IQCE: variants seen among roughly 807,000 people sequenced by gnomAD.
IQCE encodes IQ motif containing E, also known as IQ domain-containing protein E.
In IQCE, 115 loss-of-function variants were observed where a neutral mutation model predicts 96.0. The ratio of observed to expected loss-of-function variants is 1.20; its 90% CI spans 1.03 to 1.40. The LOEUF (loss-of-function observed/expected upper bound fraction) is 1.40, where lower values mean the gene tolerates loss of function less well. Among genes scored for constraint, IQCE ranks in the 40% most tolerant of loss-of-function variants. The pLI, the probability that IQCE is intolerant of heterozygous loss-of-function variation, is 0.00. For missense variants in IQCE, 1,041 were observed against 909.1 expected, an observed-to-expected ratio of 1.15 and a Z score of -1.87; for synonymous variants, 412 against 371.2, an observed-to-expected ratio of 1.11 and a Z score of -1.26.
At chr7:2,610,013 T>A in intron 21 of IQCE, 31 bp from the exon 22 acceptor site, 1 of 1,274,306 alleles carries the variant, frequency 7.8e-7, no homozygotes, top group Non-Finnish European at 1.1e-6. Flanking sequence ...TCAGCGTGGC[T>A]GACCCCTCTC....
Position 2,593,021 on chromosome 7 carries a change from G to A in IQCE, c.1245-1G>A. ...GACGAGTCTCCTATTCTTGTGTGCA[G>A]TTTGGAGGTGAAGCAGCTCCTGCAG... On this transcript the variant is annotated splice_acceptor_variant, in intron 14 of 21. Transcript: ENST00000402050. LOFTEE classifies it high-confidence loss of function. The A allele has an allele frequency of 6.2e-7, 1 of 1,603,822 alleles. No individual in the cohort carries two copies. Among genetic ancestry groups the A allele is most frequent in the Non-Finnish European group, 8.5e-7 (1 of 1,172,284 alleles).
At chr7:2,586,143 C>T (rs951414144) in intron 11 of IQCE, 65 bp from the exon 12 acceptor site, 13 of 1,455,080 alleles carry the variant, frequency 8.9e-6, no homozygotes, top group Middle Eastern at 1.8e-4. Context: ...ACCTGTCCCT[C>T]GTTTCAAGCA....
chr7:2,588,755 T>G (rs375436658), intron 13 of IQCE, among the ~76,000 whole-genome samples: 4 of 137,768 alleles, frequency 2.9e-5, no homozygotes, highest in Non-Finnish European at 3.1e-5. Flanking sequence ...ACTTTTTGCC[T>G]CCTGGGTTCA....
chr7:2,559,024 G>T lies in IQCE; in HGVS notation c.-158G>T, dbSNP rs117666779. 2.8e-4 allele frequency: 103 copies of T among 363,870 alleles called. No individual in the cohort carries two copies. Among genetic ancestry groups the T allele is most frequent in the Non-Finnish European group, 3.7e-4 (79 of 212,078 alleles). 22.5% of individuals were successfully genotyped at this position (363,870 alleles called of 1,614,324 possible). A position where few individuals can be genotyped will look rare whatever the true frequency, so the allele number is the denominator to read the frequency against. ...CAGGGGGAACGCAGGTCGCTTACCC[G>T]GCTGGGTAGGTCGGCGGCCTGGTTG... On this transcript the variant is annotated 5_prime_UTR_variant, in exon 1 of 22. Coordinates refer to ENST00000402050, the MANE Select transcript of IQCE (RefSeq NM_152558.5).
intron 8 of IQCE, among the ~76,000 whole-genome samples, chr7:2,581,779 G>A (rs900957370): frequency 2.7e-5 from 4 of 149,066 alleles, no homozygotes; most frequent in South Asian, 2.1e-4. Context: ...GCGCAATCTC[G>A]GCTCACTGCA....
At chr7:2,597,894 C>T (rs925212877) in intron 16 of IQCE, among the ~76,000 whole-genome samples, 6 of 152,258 alleles carry the variant, frequency 3.9e-5, no homozygotes, top group Non-Finnish European at 8.8e-5. Context: ...TCTTGAACTC[C>T]TGGGCTCAAG....
Position 2,586,354 on chromosome 7 carries a change from C to G in IQCE, c.971C>G (p.Thr324Ser). 6.2e-7 allele frequency: 1 copy of G among 1,612,882 alleles called. No homozygotes were observed. Among genetic ancestry groups the G allele is most frequent in the Non-Finnish European group, 8.5e-7 (1 of 1,179,734 alleles). The change falls in exon 12 of 22, where the codon ACC (threonine) becomes AGC (serine). Residue 324 changes from threonine to serine, a missense_variant. Thr to Ser is a moderately conservative substitution (Grantham distance 58). Coordinates refer to ENST00000402050, the MANE Select transcript of IQCE (RefSeq NM_152558.5). ...DLDRVLSTSP[T>S]ISKTQGYVEW... The stretch of plus-strand genomic sequence containing the variant: ...GACCGCGTGCTGAGCACCTCCCCAA[C>G]CATCTCCAAGACACAGGGTACCTTC...
intron 6 of IQCE, among the ~76,000 whole-genome samples, chr7:2,576,098 G>C (rs1056506035): frequency 6.6e-6 from 1 of 152,178 alleles, no homozygotes; most frequent in African/African-American, 2.4e-5. Context: ...TGTCTGCAAC[G>C]ATCTTGCCAG....
intron 19 of IQCE, among the ~76,000 whole-genome samples, 162 bp downstream of exon 19, chr7:2,605,153 TCTCTGCGCAGGCCC>T (rs1173552404): frequency 6.6e-6 from 1 of 152,124 alleles, no homozygotes; most frequent in Non-Finnish European, 1.5e-5. Flanking sequence ...CATGCAGGCT[TCTCTGCGCAGGCCC>T]CTCTGCACAG....
At position 2,610,648 on chromosome 7, in the gene IQCE, C is replaced by T. The variant is rs200867613; in HGVS notation, c.*486C>T. ...GCTGTGCCTTAGGAAGGTGTGAGAC[C>T]GGCTTCCCCCATCCCCACAGCAAAA... On this transcript the variant is annotated 3_prime_UTR_variant, in exon 22 of 22. Transcript: ENST00000402050. 86 of 160,600 alleles carry T rather than the reference C, an allele frequency of 5.4e-4. No individual in the cohort carries two copies. Among genetic ancestry groups the T allele is most frequent in the Non-Finnish European group, 9.9e-4 (72 of 73,048 alleles). 9.9% of individuals were successfully genotyped at this position (160,600 alleles called of 1,614,324 possible).
At chr7:2,571,789 A>C (rs1438779222) in intron 4 of IQCE, 135 bp downstream of exon 4, 3 of 1,005,792 alleles carry the variant, frequency 3.0e-6, no homozygotes, top group Non-Finnish European at 4.3e-6. Context: ...AAGACATCAA[A>C]TATACACATC....
At position 2,601,480 on chromosome 7, in the gene IQCE, T is replaced by G; in HGVS notation, c.1632+16T>G. 1 of 1,574,886 alleles carries G rather than the reference T, an allele frequency of 6.3e-7. No individual in the cohort carries two copies. The highest frequency in any genetic ancestry group is 8.7e-7 in the Non-Finnish European group (1 of 1,145,956). On this transcript the variant is annotated intron_variant, in intron 18 of 21. Coordinates refer to ENST00000402050, the MANE Select transcript of IQCE (RefSeq NM_152558.5). ...TCTGGATGAGGTAAGCGAGGTTTAT[T>G]TCTTGTTTCAAAATTCGGATTTGTA...
In IQCE at chr7:2,604,932, C is replaced by T. The variant is rs1210727771; in HGVS notation, c.1684C>T (p.Leu562Phe). The T allele has an allele frequency of 1.2e-6, 2 of 1,613,786 alleles. No homozygotes were observed. Among genetic ancestry groups the T allele is most frequent in the South Asian group, 1.1e-5 (1 of 91,084 alleles). ...AFRGHLTRTK[L>F]LASKAHGSEP... Reference sequence around the variant, plus strand: ...CAGGGGACATCTCACGCGGACAAAGCTCTTAGCAAGCAAAGCACATGGCTC... The same window carrying T: ...CAGGGGACATCTCACGCGGACAAAGTTCTTAGCAAGCAAAGCACATGGCTC... The change falls in exon 19 of 22, where the codon CTC becomes TTC. Residue 562 changes from leucine to phenylalanine, a missense_variant. Transcript: ENST00000402050.
rs1231195852 is a variant in IQCE at position 2,567,132 on chromosome 7, C to G, written c.53C>G (p.Ser18Cys). Residue 18 changes from serine to cysteine, a missense_variant, in exon 2 of 22, where the codon TCT (serine) becomes TGT (cysteine). By Grantham distance (112) the Ser-to-Cys change is moderately radical. Transcript: ENST00000402050. ...PALDTGDDSL[S>C]AVTFDSDVET... ...TTCCTCCAGGGAGATGACAGTCTGT[C>G]TGCAGTCACCTTTGACTCTGATGTG... is the stretch of plus-strand genomic sequence containing the variant. 2 of 1,613,858 alleles carry G rather than the reference C, an allele frequency of 1.2e-6. No individual in the cohort carries two copies. The highest frequency in any genetic ancestry group is 1.7e-6 in the Non-Finnish European group (2 of 1,179,832).
intron 6 of IQCE, among the ~76,000 whole-genome samples, chr7:2,577,533 C>A (rs112280022): frequency 1.1e-4 from 4 of 36,818 alleles, no homozygotes; most frequent in Admixed American, 3.1e-4. Context: ...TGCGGCGTGC[C>A]CGCATTGGCG....
intron 21 of IQCE, among the ~76,000 whole-genome samples, chr7:2,609,019 A>G (rs1784996120): frequency 6.6e-6 from 1 of 152,198 alleles, no homozygotes; most frequent in African/African-American, 2.4e-5. Flanking sequence ...TGAGCAGTTC[A>G]TTACTTTTTT....
chr7:2,579,191 G>C (rs965907809), intron 8 of IQCE, among the ~76,000 whole-genome samples: 13 of 152,268 alleles, frequency 8.5e-5, no homozygotes, highest in African/African-American at 3.1e-4. Context: ...TTGCGGTTCG[G>C]TGGTAATGCT....
chr7:2,594,734 T>C, intron 15 of IQCE, 152 bp from the exon 16 acceptor site: 1 of 676,438 alleles, frequency 1.5e-6, no homozygotes, highest in Admixed American at 2.2e-5. Context: ...GCTGGAGCCC[T>C]GTGGCTCAGG....
intron 6 of IQCE, among the ~76,000 whole-genome samples, chr7:2,573,732 G>A (rs960200069): frequency 6.6e-6 from 1 of 152,196 alleles, no homozygotes; most frequent in African/African-American, 2.4e-5. Context: ...TCTCCAGCAC[G>A]ATGGAGAAGA....
Sources: gnomAD v4.1 joint callset for allele counts (sites outside exome capture counted in the v4.1 genomes callset) on GRCh38, gnomAD v4.1.1 for gene constraint, MANE v1.5 for transcripts, NCBI Gene and HGNC (gene_info 2026-07-23, HGNC 2026-07-21) for gene names.